Variants in GRAMD4 observed in about 807,000 individuals in gnomAD.
The protein encoded by GRAMD4 is GRAM domain-containing protein 4.
A neutral mutation model predicts 83.9 loss-of-function variants in GRAMD4; 25 were observed. That is an observed-to-expected ratio of 0.30 (90% CI 0.22 to 0.42). The LOEUF is 0.42. Ranked by LOEUF, GRAMD4 falls within the 10% of genes least tolerant of loss-of-function variation. GRAMD4 has a pLI of 1.00. For synonymous variants in GRAMD4, 336 were observed against 320.9 expected (o/e 1.05, Z -0.50); for missense variants, 593 against 788.7 (o/e 0.75, Z 2.97).
chr22:46,604,404 C>T (rs147032401), intron 1 of GRAMD4, among the ~76,000 whole-genome samples: 82 of 152,304 alleles, frequency 5.4e-4, no homozygotes, highest in African/African-American at 1.8e-3. Flanking sequence ...ATAGACATAA[C>T]ACAATGTACC....
In GRAMD4 at chr22:46,665,369, C is replaced by A. The variant is rs146699507; in HGVS notation, c.718-246C>A. Among the ~76,000 whole-genome samples, 748 of 152,356 alleles carry A rather than the reference C, an allele frequency of 4.9e-3. 6 individuals carry two copies. The highest frequency in any genetic ancestry group is 0.017 in the African/African-American group (720 of 41,574). ...AGGACCCGCATGTGGAACCAGCCGC[C>A]CTCTTCTGTCCCCAGGACACGCTTC... On this transcript the variant is annotated intron_variant, in intron 8 of 18. Transcript: ENST00000406902.
rs570277009 is a variant in GRAMD4 at position 46,672,060 on chromosome 22, C to T, written c.1085-783C>T. Among the ~76,000 whole-genome samples the T allele has an allele frequency of 6.6e-6, 1 of 152,378 alleles. No homozygotes were observed. The highest frequency in any genetic ancestry group is 6.5e-5 in the Admixed American group (1 of 15,308). ...CTGTGCACTGGGGGCAGCGAGACAG[C>T]CCCCAGCACTGGGAGGGGCACCCGG... is the stretch of plus-strand genomic sequence containing the variant. On this transcript the variant is annotated intron_variant, in intron 13 of 18. Coordinates refer to ENST00000406902, the MANE Select transcript of GRAMD4 (RefSeq NM_015124.5). The surrounding 1 kb of genome is among the most constrained non-coding windows in gnomAD (Gnocchi z 4.7).
intron 1 of GRAMD4, among the ~76,000 whole-genome samples, chr22:46,593,671 G>T (rs112014122): frequency 0.02 from 3,120 of 152,212 alleles, 120 homozygotes; most frequent in African/African-American, 0.072. Context: ...TTGGCCTGGG[G>T]TCTGTGCTGC....
chr22:46,677,389 T>G lies in GRAMD4; in HGVS notation c.*138T>G. 7 of 1,406,584 alleles carry G rather than the reference T, an allele frequency of 5.0e-6. No homozygotes were observed. The highest frequency in any genetic ancestry group is 6.5e-6 in the Non-Finnish European group (7 of 1,081,924). The allele number at this position is 1,406,584 out of a possible 1,614,324, so 87.1% of individuals were successfully genotyped here. ...AATTCTCCTGGACCTGTGGTTCTAT[T>G]GTGTTGACCTCTGCGTTTTATCGAC... On this transcript the variant is annotated 3_prime_UTR_variant, in exon 19 of 19. Transcript: ENST00000406902.
chr22:46,620,441 C>T lies in GRAMD4; in HGVS notation c.-174C>T. ...GCAGCAGACACCACCCTCTCCGTGCCTGCTGGTGTTGGGCGGCTTGGAGGC... is the reference window on the plus strand; with the variant it reads ...GCAGCAGACACCACCCTCTCCGTGCTTGCTGGTGTTGGGCGGCTTGGAGGC... On this transcript the variant is annotated 5_prime_UTR_variant, in exon 1 of 19. Coordinates refer to ENST00000406902, the MANE Select transcript of GRAMD4 (RefSeq NM_015124.5). This position sits in a 1 kb window ranked among gnomAD's most constrained non-coding sequence, Gnocchi z 4.7. 1 of 985,408 alleles carries T rather than the reference C, an allele frequency of 1.0e-6. No individual in the cohort carries two copies. The highest frequency in any genetic ancestry group is 4.7e-5 in the South Asian group (1 of 21,284). The allele number at this position is 985,408 out of a possible 1,614,324, so 61.0% of individuals were successfully genotyped here. A position where few individuals can be genotyped will look rare whatever the true frequency, so the allele number is the denominator to read the frequency against.
chr22:46,677,021 T>C, intron 18 of GRAMD4, 126 bp from the exon 19 acceptor site: 1 of 1,099,672 alleles, frequency 9.1e-7, no homozygotes, highest in Non-Finnish European at 1.3e-6. Context: ...GAGACACCTG[T>C]CTTTTGCACC....
intron 14 of GRAMD4, 76 bp from the exon 15 acceptor site, chr22:46,673,594 G>C: frequency 6.6e-7 from 1 of 1,526,076 alleles, no homozygotes; most frequent in Non-Finnish European, 8.9e-7. Flanking sequence ...TTGGGGAGGT[G>C]TGTGTGCGGC....
At chr22:46,600,749 A>C (rs148634287) in intron 1 of GRAMD4, among the ~76,000 whole-genome samples, 2 of 152,302 alleles carry the variant, frequency 1.3e-5, no homozygotes, top group African/African-American at 4.8e-5. Flanking sequence ...CGCTATTAGA[A>C]ATCAAAACTA....
intron 2 of GRAMD4, among the ~76,000 whole-genome samples, chr22:46,636,659 G>A (rs1033133949): frequency 2.6e-5 from 4 of 152,234 alleles, no homozygotes; most frequent in African/African-American, 9.6e-5. Context: ...GGTCGCTGCT[G>A]TCCTGTGGTG....
intron 2 of GRAMD4, among the ~76,000 whole-genome samples, chr22:46,635,459 TGTCCTCCCTGCCCCC>T: frequency 9.3e-6 from 1 of 107,028 alleles, no homozygotes; most frequent in Non-Finnish European, 1.9e-5. Context: ...TGGGAGGCCG[TGTCCTCCCTGCCCCC>T]ACCCCTGGCC....
In GRAMD4 at chr22:46,665,629, C is replaced by A; in HGVS notation, c.732C>A (p.Ala244=). 1 of 1,591,506 alleles carries A rather than the reference C, an allele frequency of 6.3e-7. No individual in the cohort carries two copies. Among genetic ancestry groups the A allele is most frequent in the South Asian group, 1.1e-5 (1 of 90,426 alleles). Residue 244 remains alanine, a synonymous_variant, in exon 9 of 19, where the codon GCC becomes GCA. Coordinates refer to ENST00000406902, the MANE Select transcript of GRAMD4 (RefSeq NM_015124.5). The part of the protein sequence containing the change: ...SAIAFTVYMN[A]VWHGWAIPLF... ...CTCACCCGCAGGTGTACATGAATGC[C>A]GTGTGGCATGGCTGGGCCATCCCAT...
chr22:46,634,966 A>G (rs2081837368), intron 2 of GRAMD4, among the ~76,000 whole-genome samples: 1 of 151,700 alleles, frequency 6.6e-6, no homozygotes, highest in Non-Finnish European at 1.5e-5. Flanking sequence ...AAAAGAAATC[A>G]TAATAGAAAA....
chr22:46,629,673 A>G (rs960120895), intron 2 of GRAMD4, among the ~76,000 whole-genome samples: 1 of 152,230 alleles, frequency 6.6e-6, no homozygotes, highest in East Asian at 1.9e-4. Context: ...GGTATACAGT[A>G]TACAGTTCAC....
chr22:46,613,715 T>A (rs1218812943), intron 1 of GRAMD4, among the ~76,000 whole-genome samples: 1 of 152,180 alleles, frequency 6.6e-6, no homozygotes, highest in African/African-American at 2.4e-5. Flanking sequence ...CTGCTGTTCC[T>A]GAGTCAGAGA....
At chr22:46,668,014 G>A (rs1278458336) in intron 10 of GRAMD4, 82 bp from the exon 11 acceptor site, 1 of 972,266 alleles carries the variant, frequency 1.0e-6, no homozygotes, top group Admixed American at 1.9e-5. Flanking sequence ...CCTGGGGCTG[G>A]GAGGGCTCCA....
At chr22:46,612,724 C>A (rs572319757) in intron 1 of GRAMD4, among the ~76,000 whole-genome samples, 1 of 152,230 alleles carries the variant, frequency 6.6e-6, no homozygotes, top group African/African-American at 2.4e-5. Context: ...TACTCTCAAC[C>A]CTTTAGGGCT....
chr22:46,592,184 C>T (rs931402794), intron 1 of GRAMD4, among the ~76,000 whole-genome samples: 16 of 152,178 alleles, frequency 1.1e-4, no homozygotes, highest in African/African-American at 3.6e-4. Context: ...GGGTTGCGCC[C>T]CCAGAGTGCC....
rs987635698 is a variant in GRAMD4 at position 46,667,906 on chromosome 22, G to A, written c.859-190G>A. Among the ~76,000 whole-genome samples, 8 of 152,304 alleles carry A rather than the reference G, an allele frequency of 5.3e-5. No individual in the cohort carries two copies. The South Asian group carries it at 8.3e-4, about 16-fold the overall frequency. The stretch of plus-strand genomic sequence containing the variant: ...GTTGTGCACCCAGAGTGAGGGGCAC[G>A]GGGTGAGATGTCACCATCAGCCCAT... On this transcript the variant is annotated intron_variant, in intron 10 of 18. Transcript: ENST00000406902.
At chr22:46,614,162 A>T (rs138498) in intron 1 of GRAMD4, among the ~76,000 whole-genome samples, 133,033 of 152,054 alleles carry the variant, frequency 0.87, 58,303 homozygotes, top group East Asian at 1. Flanking sequence ...TCTGAATCAT[A>T]TGATAGCATT....
Sources: allele counts gnomAD v4.1 joint callset (sites outside exome capture counted in the v4.1 genomes callset), GRCh38; gene constraint gnomAD v4.1.1; non-coding constraint Gnocchi (gnomAD v3.1); transcripts MANE v1.5; gene names NCBI Gene and HGNC (gene_info 2026-07-23, HGNC 2026-07-21).